MID1: variants seen among roughly 807,000 people sequenced by gnomAD.
MID1 encodes the protein E3 ubiquitin-protein ligase Midline-1.
MID1 carries 7 observed loss-of-function variants against 40.4 expected under a neutral mutation model. The ratio of observed to expected loss-of-function variants is 0.17; its 90% CI spans 0.10 to 0.33. MID1 has a LOEUF of 0.33. Ranked by LOEUF, MID1 falls within the 10% of genes least tolerant of loss-of-function variation. MID1 has a pLI of 1.00. For missense variants in MID1, 367 were observed against 558.5 expected (o/e 0.66, Z 3.46); for synonymous variants, 229 against 221.2 (o/e 1.04, Z -0.31).
chrX:10,580,945 A>AAC (rs1300218429), intron 1 of MID1, among the ~76,000 whole-genome samples: 44 of 105,993 alleles, frequency 4.2e-4, no homozygotes, highest in African/African-American at 1.2e-3. Flanking sequence ...AAAAAAAAAA[A>AAC]AAAAAAAAAA....
chrX:10,538,339 G>T (rs1009706466), intron 2 of MID1, among the ~76,000 whole-genome samples: 1 of 111,140 alleles, frequency 9.0e-6, no homozygotes, highest in South Asian at 3.8e-4. Context: ...TAAAGATTTT[G>T]GGGAGTTGTT....
At chrX:10,702,440 A>G (rs2043198653) in intron 1 of MID1, among the ~76,000 whole-genome samples, 1 of 112,425 alleles carries the variant, frequency 8.9e-6, no homozygotes, top group African/African-American at 3.2e-5. Flanking sequence ...GAGTCTGATG[A>G]ATAGTTTTAT....
At chrX:10,629,068 G>A (rs1171735439) in intron 1 of MID1, among the ~76,000 whole-genome samples, 1 of 111,521 alleles carries the variant, frequency 9.0e-6, no homozygotes, top group Non-Finnish European at 1.9e-5. Flanking sequence ...GCCTCAATGG[G>A]GGTGATGGAA....
chrX:10,817,847 G>T (rs1464549104), intron 1 of MID1, among the ~76,000 whole-genome samples: 1 of 110,553 alleles, frequency 9.0e-6, no homozygotes, highest in Non-Finnish European at 1.9e-5. Flanking sequence ...TCGAACTCCT[G>T]ACCTCAGGTG....
chrX:10,802,725 T>C (rs1332545477), intron 1 of MID1, among the ~76,000 whole-genome samples: 1 of 112,055 alleles, frequency 8.9e-6, no homozygotes, highest in African/African-American at 3.2e-5. Context: ...CACGTGGATA[T>C]GTATGTTCAT....
chrX:10,694,583 C>T (rs1471767169), intron 1 of MID1, among the ~76,000 whole-genome samples: 1 of 111,668 alleles, frequency 9.0e-6, no homozygotes, highest in Non-Finnish European at 1.9e-5. Context: ...AAGGGTAAGT[C>T]GGAATTAGCC....
At chrX:10,557,248 T>G (rs1199919304) in intron 2 of MID1, among the ~76,000 whole-genome samples, 3 of 111,841 alleles carry the variant, frequency 2.7e-5, no homozygotes, top group Non-Finnish European at 5.6e-5. Context: ...GAGGCATCAT[T>G]GCAAAGCCAC....
Position 10,669,334 on chromosome X carries a change from G to A in MID1, c.-186-48915C>T, listed in dbSNP as rs181765493. ...ACTTTCCCTTTCAACATCATAGTCA[G>A]TTCTCACCTTCAAGCATTGCCATTA... On this transcript the variant is annotated intron_variant, in intron 1 of 10. Transcript: ENST00000380785. Among the ~76,000 whole-genome samples, 5 of 109,555 alleles carry A rather than the reference G, an allele frequency of 4.6e-5. No individual in the cohort carries two copies. In the East Asian group the frequency reaches 1.4e-3, roughly 31 times the overall value.
intron 1 of MID1, among the ~76,000 whole-genome samples, chrX:10,602,130 C>G (rs1365960336): frequency 9.4e-6 from 1 of 106,884 alleles, no homozygotes; most frequent in East Asian, 2.9e-4. Flanking sequence ...ATCTCCTAAC[C>G]TCGTGATCCA....
At chrX:10,671,209 A>C (rs781598487) in intron 1 of MID1, among the ~76,000 whole-genome samples, 1 of 111,913 alleles carries the variant, frequency 8.9e-6, no homozygotes, top group South Asian at 3.8e-4. Flanking sequence ...TCTCATACTA[A>C]ATATCTCACA....
upstream of MID1, among the ~76,000 whole-genome samples, chrX:10,621,764 C>T (rs1221556529): frequency 9.1e-6 from 1 of 109,640 alleles, no homozygotes; most frequent in Non-Finnish European, 1.9e-5. Flanking sequence ...AAGGAGCCAC[C>T]TAGTGACACA....
chrX:10,613,696 AATATATATATATATATATATAT>A (rs1177605401), intron 1 of MID1, among the ~76,000 whole-genome samples: 1 of 16,849 alleles, frequency 5.9e-5, no homozygotes, highest in African/African-American at 4.1e-4. Context: ...AACTGAAAGG[AATATATATATATATATATATAT>A]ATATATATAT....
At chrX:10,610,841 G>GC (rs1360745486) in intron 1 of MID1, among the ~76,000 whole-genome samples, 1 of 111,753 alleles carries the variant, frequency 8.9e-6, no homozygotes, top group Admixed American at 9.5e-5. Flanking sequence ...AATGTTTGAA[G>GC]CCCCCTGGGA....
At chrX:10,628,983 T>G (rs1936024184) in intron 1 of MID1, among the ~76,000 whole-genome samples, 1 of 111,442 alleles carries the variant, frequency 9.0e-6, no homozygotes, top group Admixed American at 9.5e-5. Context: ...CTAGTTCAGA[T>G]GCAGGTCCCC....
At chrX:10,568,333 G>T (rs1215943167) in intron 1 of MID1, among the ~76,000 whole-genome samples, 1 of 112,015 alleles carries the variant, frequency 8.9e-6, no homozygotes, top group African/African-American at 3.2e-5. Context: ...TAGGCAGAAC[G>T]AAGTGGAGAA....
At chrX:10,580,079 TG>T (rs1195574814) in intron 1 of MID1, among the ~76,000 whole-genome samples, 1 of 107,631 alleles carries the variant, frequency 9.3e-6, no homozygotes, top group African/African-American at 3.4e-5. Flanking sequence ...TCTTTAAGTC[TG>T]GGACAATAAA....
chrX:10,623,083 C>CAAA (rs763054366), upstream of MID1, among the ~76,000 whole-genome samples: 2 of 32,514 alleles, frequency 6.2e-5, no homozygotes, highest in African/African-American at 1.0e-4. Flanking sequence ...GCTGTCTCTA[C>CAAA]AAAAAAAAAA....
intron 1 of MID1, among the ~76,000 whole-genome samples, chrX:10,616,389 T>G (rs1935838834): frequency 8.9e-6 from 1 of 112,558 alleles, no homozygotes; most frequent in Admixed American, 9.4e-5. Context: ...AAAATCCAAA[T>G]GATTTGATTG....
intron 5 of MID1, chrX:10,475,122 G>T: frequency 3.0e-6 from 1 of 336,355 alleles, no homozygotes; most frequent in South Asian, 2.6e-5. Flanking sequence ...TCACACATCT[G>T]TCTGGGAAAC....
Sources: allele counts gnomAD v4.1 joint callset (sites outside exome capture counted in the v4.1 genomes callset), GRCh38; gene constraint gnomAD v4.1.1; transcripts MANE v1.5; gene names NCBI Gene and HGNC (gene_info 2026-07-23, HGNC 2026-07-21).